DNAH11: variants seen among roughly 807,000 people sequenced by gnomAD.
DNAH11 encodes dynein axonemal heavy chain 11.
In DNAH11, 442 loss-of-function variants were observed where a neutral mutation model predicts 526.0. The observed-to-expected ratio is 0.84, with a 90% CI of 0.78 to 0.91. The LOEUF (loss-of-function observed/expected upper bound fraction) is 0.91. Ranked by LOEUF, DNAH11 falls within the 40% of genes least tolerant of loss-of-function variation. DNAH11 has a pLI of 0.00. For synonymous variants in DNAH11, 2,461 were observed against 1,935.9 expected (o/e 1.27, Z -7.12); for missense variants, 6,989 against 5,448.7 (o/e 1.28, Z -8.90).
At chr7:21,699,881 A>G (rs947632296) in intron 36 of DNAH11, among the ~76,000 whole-genome samples, 27 of 152,118 alleles carry the variant, frequency 1.8e-4, no homozygotes, top group African/African-American at 5.3e-4. Flanking sequence ...GTAAGATTCA[A>G]AACAAATGAA....
intron 28 of DNAH11, among the ~76,000 whole-genome samples, chr7:21,651,665 A>T (rs181037028): frequency 1.3e-5 from 2 of 152,240 alleles, no homozygotes; most frequent in South Asian, 2.1e-4. Context: ...CTTTTATTTC[A>T]TAAGAGGTTC....
Position 21,773,890 on chromosome 7 carries a change from A to G in DNAH11, c.9227A>G (p.Glu3076Gly). ...HNYTTPKSFL[E>G]QISLFKNLLK... ...TATACCACCCCAAAGAGTTTTCTAG[A>G]ACAAATATCACTGTTTAAGAACCTG... Residue 3076 changes from glutamate (E) to glycine (G), a missense_variant, in exon 56 of 82, where the codon GAA (glutamate) becomes GGA (glycine). Coordinates refer to ENST00000409508, the MANE Select transcript of DNAH11 (RefSeq NM_001277115.2). 1.2e-6 allele frequency: 2 copies of G among 1,604,964 alleles called. No individual in the cohort carries two copies. The highest frequency in any genetic ancestry group is 1.7e-6 in the Non-Finnish European group (2 of 1,175,558).
intron 9 of DNAH11, among the ~76,000 whole-genome samples, chr7:21,584,158 G>A (rs942965460): frequency 2.0e-5 from 3 of 152,196 alleles, no homozygotes; most frequent in African/African-American, 4.8e-5. Flanking sequence ...GTTCACAGTA[G>A]CAAAGACTTG....
intron 63 of DNAH11, among the ~76,000 whole-genome samples, chr7:21,808,634 T>C (rs1789378077): frequency 6.6e-6 from 1 of 152,174 alleles, no homozygotes; most frequent in Non-Finnish European, 1.5e-5. Flanking sequence ...GAACATACGA[T>C]ATTTATCTTT....
intron 20 of DNAH11, among the ~76,000 whole-genome samples, chr7:21,614,828 GA>G (rs1387692176): frequency 4.6e-5 from 7 of 152,140 alleles, no homozygotes; most frequent in Middle Eastern, 6.8e-3. Flanking sequence ...AAACCAAGAG[GA>G]AAAATTGTAT....
chr7:21,656,869 T>A (rs1248966887), intron 29 of DNAH11, among the ~76,000 whole-genome samples: 1 of 152,166 alleles, frequency 6.6e-6, no homozygotes, highest in East Asian at 1.9e-4. Flanking sequence ...TTAAAATATA[T>A]TTTTTGATCT....
chr7:21,672,763 C>A (rs1477705316), intron 30 of DNAH11, among the ~76,000 whole-genome samples: 1 of 152,174 alleles, frequency 6.6e-6, no homozygotes, highest in South Asian at 2.1e-4. Flanking sequence ...TTTAGGGACA[C>A]ACTCTTTAAA....
intron 68 of DNAH11, among the ~76,000 whole-genome samples, chr7:21,854,894 G>A (rs1050958893): frequency 2.0e-5 from 3 of 151,900 alleles, no homozygotes; most frequent in African/African-American, 7.3e-5. Context: ...ATGAGGATCT[G>A]GTTAACAAAA....
At chr7:21,853,487 C>T (rs1030890549) in intron 67 of DNAH11, among the ~76,000 whole-genome samples, 1 of 152,194 alleles carries the variant, frequency 6.6e-6, no homozygotes, top group Non-Finnish European at 1.5e-5. Flanking sequence ...TTGAAGTTAA[C>T]TTCTAATTGT....
At chr7:21,621,521 AAAG>A (rs1786053779) in intron 25 of DNAH11, among the ~76,000 whole-genome samples, 1 of 152,144 alleles carries the variant, frequency 6.6e-6, no homozygotes, top group Non-Finnish European at 1.5e-5. Context: ...CACAACCAAA[AAAG>A]AGAATTTTAG....
intron 54 of DNAH11, among the ~76,000 whole-genome samples, chr7:21,751,642 T>C (rs539786498): frequency 2.0e-5 from 3 of 152,308 alleles, no homozygotes; most frequent in African/African-American, 7.2e-5. Flanking sequence ...TATTTAAGGA[T>C]AGGAGACGGG....
intron 25 of DNAH11, among the ~76,000 whole-genome samples, chr7:21,625,725 T>A (rs993531381): frequency 2.0e-5 from 3 of 152,162 alleles, no homozygotes; most frequent in Non-Finnish European, 2.9e-5. Context: ...CAATATATTT[T>A]AAAATTTCTC....
intron 30 of DNAH11, among the ~76,000 whole-genome samples, chr7:21,664,451 G>A (rs1420619979): frequency 6.6e-6 from 1 of 151,304 alleles, no homozygotes; most frequent in Non-Finnish European, 1.5e-5. Flanking sequence ...GATCTTCTAA[G>A]TTCTGGGTGA....
intron 18 of DNAH11, among the ~76,000 whole-genome samples, chr7:21,605,495 T>G (rs537453769): frequency 6.6e-6 from 1 of 152,320 alleles, no homozygotes; most frequent in East Asian, 1.9e-4. Context: ...CTGAACTATT[T>G]ATTGTGTCTT....
At chr7:21,691,720 A>G (rs901488447) in intron 35 of DNAH11, among the ~76,000 whole-genome samples, 15 of 152,132 alleles carry the variant, frequency 9.9e-5, no homozygotes, top group Admixed American at 9.8e-4. Context: ...ATATTTTATC[A>G]TATTATTAAA....
intron 28 of DNAH11, among the ~76,000 whole-genome samples, chr7:21,643,658 G>A (rs900439939): frequency 3.9e-5 from 6 of 152,178 alleles, no homozygotes; most frequent in African/African-American, 1.4e-4. Flanking sequence ...AACATTGCGT[G>A]TTTGAAACAA....
chr7:21,886,528 T>C (rs1448600377), intron 76 of DNAH11, among the ~76,000 whole-genome samples: 2 of 152,158 alleles, frequency 1.3e-5, no homozygotes, highest in Non-Finnish European at 2.9e-5. Context: ...TTTAGCACAA[T>C]TGGAAGTCAC....
At chr7:21,654,951 T>G (rs1383499478) in intron 28 of DNAH11, among the ~76,000 whole-genome samples, 1 of 152,116 alleles carries the variant, frequency 6.6e-6, no homozygotes, top group African/African-American at 2.4e-5. Flanking sequence ...GATGAATAAG[T>G]GTTGTTCATT....
At chr7:21,704,367 A>C in intron 37 of DNAH11, 67 bp from the exon 38 acceptor site, 1 of 1,462,180 alleles carries the variant, frequency 6.8e-7, no homozygotes, top group Non-Finnish European at 9.3e-7. Flanking sequence ...AATAACAAAC[A>C]TCTTTAGTTT....
Sources: allele counts gnomAD v4.1 joint callset (sites outside exome capture counted in the v4.1 genomes callset), GRCh38; gene constraint gnomAD v4.1.1; transcripts MANE v1.5; gene names NCBI Gene and HGNC (gene_info 2026-07-23, HGNC 2026-07-21).